ARID4B: variants seen among roughly 807,000 people sequenced by gnomAD.
ARID4B encodes AT-rich interactive domain-containing protein 4B.
A neutral mutation model predicts 147.5 loss-of-function variants in ARID4B; 26 were observed. The observed-to-expected ratio is 0.18, with a 90% CI of 0.13 to 0.24. ARID4B has a LOEUF of 0.24. ARID4B is among the 10% of genes least tolerant of loss of function. The pLI, the probability that ARID4B is intolerant of heterozygous loss-of-function variation, is 1.00. For missense variants in ARID4B, 1,179 were observed against 1,511.5 expected, an observed-to-expected ratio of 0.78 and a Z score of 3.65; for synonymous variants, 512 against 507.9, an observed-to-expected ratio of 1.01 and a Z score of -0.11.
At chr1:235,300,541 G>T (rs1291897964) in intron 2 of ARID4B, among the ~76,000 whole-genome samples, 1 of 152,148 alleles carries the variant, frequency 6.6e-6, no homozygotes, top group Middle Eastern at 3.4e-3. Flanking sequence ...TATTCTCATA[G>T]TGCTATCATG....
intron 2 of ARID4B, among the ~76,000 whole-genome samples, chr1:235,307,880 G>A (rs760245387): frequency 6.0e-5 from 9 of 150,540 alleles, no homozygotes; most frequent in Non-Finnish European, 1.3e-4. Context: ...CGCCCAGGCT[G>A]GAATCTAGTG....
At chr1:235,236,833 A>ATATATATATATAT (rs1668597409) in intron 8 of ARID4B, among the ~76,000 whole-genome samples, 1 of 33,518 alleles carries the variant, frequency 3.0e-5, no homozygotes. Flanking sequence ...TTTTATAAAA[A>ATATATATATATAT]ATATATATAT....
intron 20 of ARID4B, among the ~76,000 whole-genome samples, chr1:235,179,194 A>G (rs1226180504): frequency 1.3e-5 from 2 of 152,200 alleles, no homozygotes; most frequent in Non-Finnish European, 2.9e-5. Flanking sequence ...CAATATTCAT[A>G]GTAAGTAAAT....
chr1:235,283,257 AAG>A (rs1166122927), intron 2 of ARID4B, among the ~76,000 whole-genome samples: 1 of 152,218 alleles, frequency 6.6e-6, no homozygotes, highest in African/African-American at 2.4e-5. Flanking sequence ...AGGCAGGAAA[AAG>A]AGCTTAAATC....
chr1:235,260,779 A>AGAG, intron 2 of ARID4B, 27 bp from the exon 3 acceptor site: 1 of 1,475,682 alleles, frequency 6.8e-7, no homozygotes, highest in Non-Finnish European at 9.4e-7. Flanking sequence ...ATATAATTAG[A>AGAG]TTTAAACTCT....
At chr1:235,254,387 A>T (rs1669820573) in intron 5 of ARID4B, among the ~76,000 whole-genome samples, 1 of 152,082 alleles carries the variant, frequency 6.6e-6, no homozygotes, top group Non-Finnish European at 1.5e-5. Context: ...CCAATCTAGG[A>T]CAAATACTTT....
chr1:235,230,377 G>A (rs1026467358), intron 10 of ARID4B, among the ~76,000 whole-genome samples: 2 of 151,228 alleles, frequency 1.3e-5, no homozygotes, highest in African/African-American at 4.9e-5. Context: ...CCACTGCACT[G>A]CAACCTGGGC....
intron 18 of ARID4B, 86 bp downstream of exon 18, chr1:235,195,945 G>A (rs765228245): frequency 4.2e-5 from 33 of 791,742 alleles, no homozygotes; most frequent in Non-Finnish European, 3.8e-5. Flanking sequence ...TCAATAAAGT[G>A]TAACACTAAC....
chr1:235,321,840 T>C (rs1674859843), intron 2 of ARID4B, among the ~76,000 whole-genome samples: 1 of 151,820 alleles, frequency 6.6e-6, no homozygotes, highest in African/African-American at 2.4e-5. Context: ...TCCTCTCTGC[T>C]CCACTTCCAA....
Position 235,172,790 on chromosome 1 carries a change from A to G in ARID4B, c.3665-26T>C. 4.7e-6 allele frequency: 7 copies of G among 1,498,972 alleles called. 1 individual carries two copies. Among genetic ancestry groups the G allele is most frequent in the Non-Finnish European group, 6.2e-6 (7 of 1,127,230 alleles). 92.9% of individuals were successfully genotyped at this position (1,498,972 alleles called of 1,614,324 possible). A position where few individuals can be genotyped will look rare whatever the true frequency, so the allele number is the denominator to read the frequency against. On this transcript the variant is annotated intron_variant, in intron 22 of 23. Coordinates refer to ENST00000264183, the MANE Select transcript of ARID4B (RefSeq NM_016374.6). ...CTATAAATTTAAAGCTTTCATTAAC[A>G]GACATTTTTAAAGAAAATTTTAACA...
At chr1:235,327,349 G>A (rs1675371020) in intron 1 of ARID4B, 1 of 153,130 alleles carries the variant, frequency 6.5e-6, no homozygotes, top group African/African-American at 2.4e-5. Context: ...GTCCGAGCGA[G>A]AGGCCGGCCG....
At chr1:235,233,730 G>A (rs1668388378) in intron 9 of ARID4B, among the ~76,000 whole-genome samples, 1 of 152,156 alleles carries the variant, frequency 6.6e-6, no homozygotes, top group Non-Finnish European at 1.5e-5. Context: ...ACTAGTAGAA[G>A]TATTGGAAAT....
intron 2 of ARID4B, among the ~76,000 whole-genome samples, chr1:235,304,922 G>T (rs1286113651): frequency 6.6e-6 from 1 of 152,074 alleles, no homozygotes. Context: ...AAATCATTTT[G>T]CCACACTAAG....
chr1:235,180,095 A>T (rs1432712224), intron 20 of ARID4B: 5 of 147,634 alleles, frequency 3.4e-5, no homozygotes, highest in African/African-American at 7.5e-5. Flanking sequence ...AAGAAAACCT[A>T]TAACAATAAA....
intron 2 of ARID4B, among the ~76,000 whole-genome samples, chr1:235,268,882 T>C (rs1295524047): frequency 6.6e-6 from 1 of 152,178 alleles, no homozygotes; most frequent in Non-Finnish European, 1.5e-5. Flanking sequence ...CTGAAACATC[T>C]TGTGTCAGAA....
intron 11 of ARID4B, chr1:235,229,026 G>A (rs2103044031): frequency 3.6e-6 from 2 of 556,002 alleles, no homozygotes; most frequent in South Asian, 2.8e-5. Flanking sequence ...GGAAAATCAG[G>A]CTTAATATTT....
intron 8 of ARID4B, among the ~76,000 whole-genome samples, chr1:235,236,224 C>G (rs1668543797): frequency 6.6e-6 from 1 of 152,118 alleles, no homozygotes; most frequent in Non-Finnish European, 1.5e-5. Flanking sequence ...ATTTTTCACT[C>G]TAGTTACCAA....
At chr1:235,290,855 A>G (rs1009260536) in intron 2 of ARID4B, among the ~76,000 whole-genome samples, 9 of 152,360 alleles carry the variant, frequency 5.9e-5, no homozygotes, top group Admixed American at 1.3e-4. Flanking sequence ...CCAGAGCTTC[A>G]GGAGGCCAAG....
chr1:235,252,557 C>G (rs1669710160), intron 6 of ARID4B, among the ~76,000 whole-genome samples, 173 bp downstream of exon 6: 1 of 152,116 alleles, frequency 6.6e-6, no homozygotes, highest in Non-Finnish European at 1.5e-5. Context: ...GAAGACAGAA[C>G]CTGGTGCTCA....
Sources: allele counts gnomAD v4.1 joint callset (sites outside exome capture counted in the v4.1 genomes callset), GRCh38; gene constraint gnomAD v4.1.1; transcripts MANE v1.5; gene names NCBI Gene and HGNC (gene_info 2026-07-23, HGNC 2026-07-21).